PCYT1A: variants seen among roughly 807,000 people sequenced by gnomAD.
PCYT1A encodes phosphate cytidylyltransferase 1A, choline, also known as choline-phosphate cytidylyltransferase A.
PCYT1A carries 25 observed loss-of-function variants against 43.7 expected under a neutral mutation model. The ratio of observed to expected loss-of-function variants is 0.57; its 90% CI spans 0.42 to 0.80. PCYT1A has a LOEUF of 0.80. Among genes scored for constraint, PCYT1A ranks in the 30% least tolerant of loss-of-function variants. The pLI, the probability that PCYT1A is intolerant of heterozygous loss-of-function variation, is 0.00. For missense variants in PCYT1A, 421 were observed against 474.2 expected (o/e 0.89, Z 1.04); for synonymous variants, 172 against 170.7 (o/e 1.01, Z -0.06).
intron 1 of PCYT1A, among the ~76,000 whole-genome samples, chr3:196,280,083 A>C (rs1309665114): frequency 6.6e-6 from 1 of 152,096 alleles, no homozygotes; most frequent in Non-Finnish European, 1.5e-5. Context: ...TGCCCGCCTC[A>C]GTCTCCCAAA....
chr3:196,255,673 G>A (rs1412820533), intron 3 of PCYT1A, among the ~76,000 whole-genome samples: 2 of 152,110 alleles, frequency 1.3e-5, no homozygotes, highest in Non-Finnish European at 2.9e-5. Flanking sequence ...CAGCCTGGTT[G>A]ACAAGCGAGA....
At position 196,235,195 on chromosome 3, in the gene PCYT1A, C is replaced by T. The variant is rs1724127130; in HGVS notation, c.*3493G>A. The stretch of plus-strand genomic sequence containing the variant: ...TAATCCAGGAAGGGGGAATGACGCC[C>T]TATGAACCACTGTGGAAAGAACATC... On this transcript the variant is annotated 3_prime_UTR_variant, in exon 9 of 9. Coordinates refer to ENST00000431016, the MANE Select transcript of PCYT1A (RefSeq NM_001312673.2). This position sits in a 1 kb window ranked among gnomAD's most constrained non-coding sequence, Gnocchi z 4.3. 6.6e-6 allele frequency: 1 copy of T among 152,144 alleles called. No homozygotes were observed. Among genetic ancestry groups the T allele is most frequent in the Admixed American group, 6.6e-5 (1 of 15,266 alleles). 9.4% of individuals were successfully genotyped at this position (152,144 alleles called of 1,614,324 possible).
chr3:196,276,175 T>C (rs1055711112), intron 1 of PCYT1A, among the ~76,000 whole-genome samples: 6 of 151,988 alleles, frequency 3.9e-5, no homozygotes, highest in African/African-American at 1.5e-4. Flanking sequence ...AGATTTTAAA[T>C]GTTTTCACCA....
At chr3:196,276,767 A>G (rs566463523) in intron 1 of PCYT1A, among the ~76,000 whole-genome samples, 99 of 152,186 alleles carry the variant, frequency 6.5e-4, no homozygotes, top group African/African-American at 2.3e-3. Context: ...GAGGAATAGG[A>G]TATTTGCAGT....
Position 196,239,549 on chromosome 3 carries a change from G to A in PCYT1A, c.895C>T (p.Leu299=), listed in dbSNP as rs1415890739. 1 of 1,595,522 alleles carries A rather than the reference G, an allele frequency of 6.3e-7. No homozygotes were observed. ...FLEMFGPEGA[L]KHMLKEGKGR... is the part of the protein sequence containing the mutation. ...TTGTCCAGTGGGAAAGAACATACCA[G>A]TGCTCCTTCCGGACCAAACATTTCC... The change falls in exon 8 of 9, where the codon CTG becomes TTG. Residue 299 remains leucine (L), a splice_region_variant and synonymous_variant. Transcript: ENST00000431016.
At chr3:196,240,513 C>T (rs1724317132) in intron 7 of PCYT1A, 1 of 152,246 alleles carries the variant, frequency 6.6e-6, no homozygotes, top group African/African-American at 2.4e-5. Context: ...AGCAAGACCT[C>T]ATCTCTACTA....
Position 196,242,122 on chromosome 3 carries a change from T to G in PCYT1A, c.566-32A>C. On this transcript the variant is annotated intron_variant, in intron 6 of 8. Transcript: ENST00000431016. This position sits in a 1 kb window ranked among gnomAD's most constrained non-coding sequence, Gnocchi z 4.2. ...CAGAAACACATACAGACAAACACTGTGAGGTTCTGGTTAGCTCAGGTATTA... is the reference window on the plus strand; with the variant it reads ...CAGAAACACATACAGACAAACACTGGGAGGTTCTGGTTAGCTCAGGTATTA... 1 of 1,611,132 alleles carries G rather than the reference T, an allele frequency of 6.2e-7. No homozygotes were observed. The highest frequency in any genetic ancestry group is 8.5e-7 in the Non-Finnish European group (1 of 1,178,074).
chr3:196,255,090 G>C (rs1724915501), intron 3 of PCYT1A, among the ~76,000 whole-genome samples: 3 of 152,150 alleles, frequency 2.0e-5, no homozygotes, highest in Admixed American at 1.3e-4. Context: ...CACTAGAGCA[G>C]GTGCATTCTT....
chr3:196,263,545 G>C (rs942085049), intron 2 of PCYT1A, among the ~76,000 whole-genome samples: 1 of 152,156 alleles, frequency 6.6e-6, no homozygotes, highest in South Asian at 2.1e-4. Flanking sequence ...CACGGGAAAC[G>C]CTACAGAGTC....
intron 1 of PCYT1A, among the ~76,000 whole-genome samples, chr3:196,286,846 G>A (rs372733452): frequency 2.0e-5 from 3 of 152,216 alleles, no homozygotes; most frequent in African/African-American, 4.8e-5. Context: ...CCAGGGAGGC[G>A]GAGGTTGCGG....
intron 5 of PCYT1A, among the ~76,000 whole-genome samples, chr3:196,244,023 C>T (rs1455299762): frequency 7.2e-5 from 11 of 151,890 alleles, no homozygotes; most frequent in Admixed American, 6.6e-4. Flanking sequence ...AGCCCCTCTG[C>T]CCGGCCGCCC....
intron 7 of PCYT1A, chr3:196,241,656 G>A: frequency 7.3e-7 from 1 of 1,365,786 alleles, no homozygotes; most frequent in Non-Finnish European, 9.6e-7. Context: ...GAAGAGAGAG[G>A]AAGTTTAAGA....
At chr3:196,240,314 G>T (rs1309033848) in intron 7 of PCYT1A, among the ~76,000 whole-genome samples, 1 of 152,074 alleles carries the variant, frequency 6.6e-6, no homozygotes, top group African/African-American at 2.4e-5. Flanking sequence ...ATACTCGTTG[G>T]TCTTACCAAC....
chr3:196,274,415 A>C (rs1725529243), intron 1 of PCYT1A, among the ~76,000 whole-genome samples: 2 of 152,220 alleles, frequency 1.3e-5, no homozygotes, highest in African/African-American at 4.8e-5. Flanking sequence ...CGCTGCCATC[A>C]TTTAGATGTT....
rs750453612 is a variant in PCYT1A, at chr3:196,242,023, C to A, written c.633G>T (p.Arg211=). The change falls in exon 7 of 9, where the codon CGG becomes CGT. Residue 211 remains arginine (R), a synonymous_variant. Coordinates refer to ENST00000431016, the MANE Select transcript of PCYT1A (RefSeq NM_001312673.2). This position sits in a 1 kb window ranked among gnomAD's most constrained non-coding sequence, Gnocchi z 4.2. ...STSDIITRIV[R]DYDVYARRNL... is the part of the protein sequence containing the mutation. Reference sequence around the variant, plus strand: ...TCCGCCTCGCATACACATCATAATCCCGCACAATTCGGGTGATGATGTCTG... The same window carrying A: ...TCCGCCTCGCATACACATCATAATCACGCACAATTCGGGTGATGATGTCTG... 1 of 1,614,148 alleles carries A rather than the reference C, an allele frequency of 6.2e-7. No homozygotes were observed. Among genetic ancestry groups the A allele is most frequent in the South Asian group, 1.1e-5 (1 of 91,074 alleles).
chr3:196,286,091 C>G (rs1267844451), intron 1 of PCYT1A, among the ~76,000 whole-genome samples: 8 of 135,794 alleles, frequency 5.9e-5, no homozygotes, highest in African/African-American at 2.3e-4. Context: ...GAGACAGAGT[C>G]TCCCTCTGTC....
intron 3 of PCYT1A, among the ~76,000 whole-genome samples, chr3:196,254,999 T>C (rs2108770523): frequency 2.0e-5 from 3 of 152,322 alleles, no homozygotes; most frequent in Admixed American, 2.0e-4. Context: ...TATTTGTTTT[T>C]CTCTAAGTAG....
chr3:196,257,814 A>G lies in PCYT1A; in HGVS notation c.191T>C (p.Met64Thr), dbSNP rs1724992775. 6.2e-7 allele frequency: 1 copy of G among 1,610,544 alleles called. No homozygotes were observed. The highest frequency in any genetic ancestry group is 1.1e-5 in the South Asian group (1 of 91,016). Residue 64 changes from methionine to threonine, a missense_variant, in exon 3 of 9, where the codon ATG becomes ACG. Coordinates refer to ENST00000431016, the MANE Select transcript of PCYT1A (RefSeq NM_001312673.2). ...AGGAGTTCCTCTGCTGGCTTCTTCC[A>G]TAGTTACCCTGACATAGGGCTTACT... ...DFSKPYVRVT[M>T]EEASRGTPCE...
rs1420294009 is a variant in PCYT1A, at chr3:196,238,449, G to C, written c.*239C>G. On this transcript the variant is annotated 3_prime_UTR_variant, in exon 9 of 9. Transcript: ENST00000431016. ...AAACAGTGAAACAAAGCCCTTGGGG[G>C]GGGGTAAATGGATGCAGAGCAGGCT... 2 of 361,662 alleles carry C rather than the reference G, an allele frequency of 5.5e-6. No individual in the cohort carries two copies. The highest frequency in any genetic ancestry group is 4.7e-5 in the Admixed American group (1 of 21,466). The allele number at this position is 361,662 out of a possible 1,614,324, so 22.4% of individuals were successfully genotyped here.
Sources: allele counts gnomAD v4.1 joint callset (sites outside exome capture counted in the v4.1 genomes callset), GRCh38; gene constraint gnomAD v4.1.1; non-coding constraint Gnocchi (gnomAD v3.1); transcripts MANE v1.5; gene names NCBI Gene and HGNC (gene_info 2026-07-23, HGNC 2026-07-21).